PATJ: variants seen among roughly 807,000 people sequenced by gnomAD.
The protein encoded by PATJ is PATJ crumbs cell polarity complex component, also known as inaD-like protein.
A neutral mutation model predicts 224.9 loss-of-function variants in PATJ; 190 were observed. That is an observed-to-expected ratio of 0.84 (90% CI 0.75 to 0.95). PATJ has a LOEUF of 0.95. PATJ is among the 40% of genes least tolerant of loss of function. PATJ has a pLI of 0.00. For synonymous variants in PATJ, 769 were observed against 820.3 expected (o/e 0.94, Z 1.07); for missense variants, 2,121 against 2,270.3 (o/e 0.93, Z 1.34).
intron 26 of PATJ, among the ~76,000 whole-genome samples, chr1:61,916,007 T>G (rs1199857627): frequency 6.6e-6 from 1 of 152,166 alleles, no homozygotes; most frequent in African/African-American, 2.4e-5. Context: ...TAATTTTCTT[T>G]AAAAAGATAC....
intron 43 of PATJ, among the ~76,000 whole-genome samples, chr1:62,156,703 C>T (rs980397694): frequency 6.7e-6 from 1 of 148,464 alleles, no homozygotes; most frequent in Non-Finnish European, 1.5e-5. Context: ...ATGGCTTGAG[C>T]CCAGGAGTTT....
Position 61,771,559 on chromosome 1 carries a change from C to G in PATJ, c.653C>G (p.Ala218Gly), listed in dbSNP as rs763721370. Residue 218 changes from alanine (A) to glycine (G), a missense_variant, in exon 6 of 44, where the codon GCC (alanine) becomes GGC (glycine). Coordinates refer to ENST00000642238, the MANE Select transcript of PATJ (RefSeq NM_001350145.3). ...ACTGGATCTTTGAGACTGATTGTGGCCAGGGAACCAGTCCACACAAAAAGC... is the reference window on the plus strand; with the variant it reads ...ACTGGATCTTTGAGACTGATTGTGGGCAGGGAACCAGTCCACACAAAAAGC... ...QTTGSLRLIV[A>G]REPVHTKSST... is the part of the protein sequence containing the mutation. The G allele has an allele frequency of 6.2e-7, 1 of 1,613,042 alleles. No individual in the cohort carries two copies. Among genetic ancestry groups the G allele is most frequent in the Non-Finnish European group, 8.5e-7 (1 of 1,179,594 alleles).
Position 62,153,393 on chromosome 1 carries a change from G to A in PATJ, c.5414G>A (p.Gly1805Asp). 9 of 1,231,662 alleles carry A rather than the reference G, an allele frequency of 7.3e-6. No individual in the cohort carries two copies. The highest frequency in any genetic ancestry group is 9.1e-6 in the Non-Finnish European group (9 of 987,570). 76.3% of individuals were successfully genotyped at this position (1,231,662 alleles called of 1,614,324 possible). ...CCTAAGATTATTACTTTGGAGAAAGGCTCTGAAGGCTTGGGGTTTAGTATT... is the reference window on the plus strand; with the variant it reads ...CCTAAGATTATTACTTTGGAGAAAGACTCTGAAGGCTTGGGGTTTAGTATT... ...PPPKIITLEKGSEGLGFSIVG... is the reference protein window; with the variant it reads ...PPPKIITLEKDSEGLGFSIVG... Residue 1805 changes from glycine (G) to aspartate (D), a missense_variant, in exon 43 of 44, where the codon GGC becomes GAC. By Grantham distance (94) the Gly-to-Asp change is moderately conservative. Coordinates refer to ENST00000642238, the MANE Select transcript of PATJ (RefSeq NM_001350145.3).
At chr1:61,946,099 C>T (rs1379121449) in intron 27 of PATJ, among the ~76,000 whole-genome samples, 1 of 152,028 alleles carries the variant, frequency 6.6e-6, no homozygotes, top group Non-Finnish European at 1.5e-5. Flanking sequence ...CACTAAATGC[C>T]CACAAGAGAA....
intron 17 of PATJ, among the ~76,000 whole-genome samples, chr1:61,837,995 CCAAAGTA>C (rs1191561312): frequency 1.3e-5 from 2 of 151,790 alleles, no homozygotes; most frequent in African/African-American, 2.4e-5. Flanking sequence ...AGTCATATGG[CCAAAGTA>C]CAAAGTGTGA....
chr1:61,787,555 G>A (rs928374453), intron 7 of PATJ, among the ~76,000 whole-genome samples, 199 bp from the exon 8 acceptor site: 3 of 152,012 alleles, frequency 2.0e-5, no homozygotes, highest in South Asian at 4.1e-4. Context: ...TTCTCATTTT[G>A]AGCCATTCCT....
intron 29 of PATJ, among the ~76,000 whole-genome samples, chr1:62,037,210 GA>G (rs1002447662): frequency 6.6e-6 from 1 of 152,142 alleles, no homozygotes; most frequent in Non-Finnish European, 1.5e-5. Flanking sequence ...CATAAATCTT[GA>G]GATAATTATG....
At chr1:61,924,211 T>C (rs866029031) in intron 26 of PATJ, among the ~76,000 whole-genome samples, 1 of 151,488 alleles carries the variant, frequency 6.6e-6, no homozygotes, top group South Asian at 2.1e-4. Flanking sequence ...CTTCCAAAAA[T>C]ACAAAAATTA....
chr1:61,839,805 C>T (rs1435173444), intron 17 of PATJ, among the ~76,000 whole-genome samples: 4 of 152,042 alleles, frequency 2.6e-5, no homozygotes, highest in Non-Finnish European at 5.9e-5. Context: ...CCTCATTCCT[C>T]TCCCCTCTTG....
chr1:62,035,313 G>A (rs1339474701), intron 29 of PATJ, among the ~76,000 whole-genome samples: 1 of 152,154 alleles, frequency 6.6e-6, no homozygotes, highest in African/African-American at 2.4e-5. Flanking sequence ...AATTGCTTTG[G>A]TTTGGTTCAC....
chr1:62,136,641 T>C (rs1216246130), intron 41 of PATJ, among the ~76,000 whole-genome samples: 2 of 141,426 alleles, frequency 1.4e-5, no homozygotes, highest in South Asian at 2.4e-4. Context: ...AGGATTTTTA[T>C]GTTTTGCGTG....
At chr1:62,027,396 G>A (rs1648185574) in intron 29 of PATJ, among the ~76,000 whole-genome samples, 1 of 152,100 alleles carries the variant, frequency 6.6e-6, no homozygotes, top group Non-Finnish European at 1.5e-5. Flanking sequence ...TCCACCTTTT[G>A]GTGACTGTAG....
chr1:62,111,533 A>G (rs777772970), intron 34 of PATJ, among the ~76,000 whole-genome samples: 2 of 152,216 alleles, frequency 1.3e-5, no homozygotes, highest in Non-Finnish European at 2.9e-5. Context: ...CACTAAGTAA[A>G]TATTATTACC....
intron 26 of PATJ, among the ~76,000 whole-genome samples, chr1:61,920,411 T>C (rs1674115684): frequency 6.6e-6 from 1 of 152,096 alleles, no homozygotes; most frequent in South Asian, 2.1e-4. Context: ...CTCTCTCTCT[T>C]TGCCTGCCAC....
At position 61,779,895 on chromosome 1, in the gene PATJ, C is replaced by T. The variant is rs1034265209; in HGVS notation, c.849+4561C>T. On this transcript the variant is annotated intron_variant, in intron 7 of 43. Coordinates refer to ENST00000642238, the MANE Select transcript of PATJ (RefSeq NM_001350145.3). The stretch of plus-strand genomic sequence containing the variant: ...GTGTGTGCAGAGATCACGTGGGCAG[C>T]GAGGAAGTGGTGGGTGGGGGGCAAC... Among the ~76,000 whole-genome samples, 61 of 152,120 alleles carry T rather than the reference C, an allele frequency of 4.0e-4. 1 individual carries two copies. The highest frequency in any genetic ancestry group is 3.4e-3 in the Middle Eastern group (1 of 294).
intron 12 of PATJ, among the ~76,000 whole-genome samples, chr1:61,805,109 T>C (rs956394213): frequency 1.1e-4 from 16 of 152,230 alleles, no homozygotes; most frequent in African/African-American, 3.4e-4. Flanking sequence ...CAAAGCCACA[T>C]GCATTTTACT....
At chr1:61,884,488 T>C in intron 22 of PATJ, 80 bp downstream of exon 22, 1 of 1,006,590 alleles carries the variant, frequency 9.9e-7, no homozygotes, top group Non-Finnish European at 1.4e-6. Flanking sequence ...AAAAAATGCG[T>C]GATTTTGGTA....
At position 61,795,560 on chromosome 1, in the gene PATJ, T is replaced by TA; in HGVS notation, c.1260+4dup. On this transcript the variant is annotated splice_region_variant and intron_variant, in intron 10 of 43. Transcript: ENST00000642238. The stretch of plus-strand genomic sequence containing the variant: ...CAAGTGAATGACAAAATAGTTGCTG[T>TA]AAGTAACTCGCCTCTGTTTTAGGTT... 6.3e-7 allele frequency: 1 copy of TA among 1,579,392 alleles called. No homozygotes were observed. Among genetic ancestry groups the TA allele is most frequent in the Non-Finnish European group, 8.7e-7 (1 of 1,149,532 alleles).
intron 27 of PATJ, among the ~76,000 whole-genome samples, chr1:61,959,927 G>A (rs141456803): frequency 3.9e-5 from 6 of 152,108 alleles, no homozygotes; most frequent in East Asian, 1.9e-4. Context: ...GGAGGCTGAC[G>A]CAGGAAGATC....
Sources: allele counts gnomAD v4.1 joint callset (sites outside exome capture counted in the v4.1 genomes callset), GRCh38; gene constraint gnomAD v4.1.1; transcripts MANE v1.5; gene names NCBI Gene and HGNC (gene_info 2026-07-23, HGNC 2026-07-21).